The following FOCAD variants were observed in gnomAD, a reference collection of about 807,000 sequenced individuals.
The protein encoded by FOCAD is focadhesin.
In FOCAD, 198 loss-of-function variants were observed where a neutral mutation model predicts 225.6. That is an observed-to-expected ratio of 0.88 (90% CI 0.78 to 0.99). The LOEUF is 0.99. FOCAD is among the 50% of genes least tolerant of loss of function. The pLI, the probability that FOCAD is intolerant of heterozygous loss-of-function variation, is 0.00. For missense variants in FOCAD, 2,713 were observed against 2,123.6 expected (o/e 1.28, Z -5.46); for synonymous variants, 897 against 755.0 (o/e 1.19, Z -3.08).
At position 20,768,385 on chromosome 9, in the gene FOCAD, G is replaced by A. The variant is rs150997720; in HGVS notation, c.700-1647G>A. Among the ~76,000 whole-genome samples, 1,502 of 152,170 alleles carry A rather than the reference G, an allele frequency of 9.9e-3. 26 individuals carry two copies. Among genetic ancestry groups the A allele is most frequent in the African/African-American group, 0.035 (1,439 of 41,478 alleles). On this transcript the variant is annotated intron_variant, in intron 7 of 43. Coordinates refer to ENST00000338382, the MANE Select transcript of FOCAD (RefSeq NM_001375567.1). ...GAAGAAAGTCATTGGTAGCTTGCTG[G>A]GGATGGCATTGAATGTGTAAATTAC...
chr9:20,827,308 G>A (rs2131467195), intron 15 of FOCAD, among the ~76,000 whole-genome samples: 1 of 152,032 alleles, frequency 6.6e-6, no homozygotes, highest in Admixed American at 6.6e-5. Flanking sequence ...ATGATGTGTT[G>A]TCTTTTGTAA....
chr9:20,865,837 T>G, intron 16 of FOCAD, 89 bp from the exon 17 acceptor site: 1 of 872,508 alleles, frequency 1.1e-6, no homozygotes, highest in Non-Finnish European at 1.8e-6. Flanking sequence ...TAAAAGTGAC[T>G]TAATTTTCAT....
chr9:20,936,733 C>G (rs1836012437), intron 28 of FOCAD, among the ~76,000 whole-genome samples: 1 of 152,070 alleles, frequency 6.6e-6, no homozygotes, highest in Non-Finnish European at 1.5e-5. Context: ...GAAGTTCTGA[C>G]CAGGGCAATC....
At chr9:20,812,984 A>G (rs543868319) in intron 11 of FOCAD, among the ~76,000 whole-genome samples, 4 of 152,162 alleles carry the variant, frequency 2.6e-5, no homozygotes, top group African/African-American at 9.6e-5. Context: ...TTTATTTTGC[A>G]TGACTGAAAC....
At chr9:20,665,199 T>C (rs925925922) in intron 2 of FOCAD, among the ~76,000 whole-genome samples, 20 of 152,328 alleles carry the variant, frequency 1.3e-4, no homozygotes, top group Middle Eastern at 3.4e-3. Context: ...TTATTAAGAC[T>C]GAGTCCCAAG....
chr9:20,901,500 T>C (rs114472192), intron 21 of FOCAD, among the ~76,000 whole-genome samples: 3 of 152,000 alleles, frequency 2.0e-5, no homozygotes, highest in African/African-American at 7.2e-5. Flanking sequence ...AGGGCTGTTA[T>C]AATGAGTATT....
chr9:20,922,961 AC>A (rs11348465), intron 24 of FOCAD, among the ~76,000 whole-genome samples: 49,582 of 151,962 alleles, frequency 0.33, 8,276 homozygotes, highest in East Asian at 0.46. Flanking sequence ...CAGAAGTCAA[AC>A]TCTTAAGAGT....
At chr9:20,919,820 A>G (rs1834222215) in intron 24 of FOCAD, among the ~76,000 whole-genome samples, 3 of 152,142 alleles carry the variant, frequency 2.0e-5, no homozygotes, top group Admixed American at 1.3e-4. Flanking sequence ...TTCAAGATGG[A>G]TTAAAGACTT....
In FOCAD at chr9:20,918,807, T is replaced by C. The variant is rs1234812522; in HGVS notation, c.2852+1870T>C. ...TGACAATACTAGGAATGGTAGCAAGTGTATAAGAGATATTTTAGGTCTGGA... is the reference window on the plus strand; with the variant it reads ...TGACAATACTAGGAATGGTAGCAAGCGTATAAGAGATATTTTAGGTCTGGA... On this transcript the variant is annotated intron_variant, in intron 24 of 43. Transcript: ENST00000338382. Among the ~76,000 whole-genome samples, 3 of 151,852 alleles carry C rather than the reference T, an allele frequency of 2.0e-5. No homozygotes were observed. In the East Asian group the frequency reaches 5.8e-4, roughly 29 times the overall value.
intron 21 of FOCAD, among the ~76,000 whole-genome samples, chr9:20,894,820 T>C (rs4342709): frequency 0.82 from 124,574 of 151,992 alleles, 51,247 homozygotes; most frequent in Admixed American, 0.88. Flanking sequence ...TCAGAAGATT[T>C]TTATTTTAAT....
intron 2 of FOCAD, among the ~76,000 whole-genome samples, chr9:20,662,057 C>T (rs1463169512): frequency 6.6e-6 from 1 of 152,138 alleles, no homozygotes; most frequent in Non-Finnish European, 1.5e-5. Context: ...TGATATTTGC[C>T]TTAGTTGCAC....
intron 7 of FOCAD, among the ~76,000 whole-genome samples, chr9:20,765,531 G>T (rs1253534461): frequency 6.6e-6 from 1 of 152,074 alleles, no homozygotes. Flanking sequence ...GCTTCCACAT[G>T]TCCCCTTGCA....
chr9:20,892,462 G>T (rs1225236685), intron 21 of FOCAD, among the ~76,000 whole-genome samples: 3 of 152,120 alleles, frequency 2.0e-5, no homozygotes, highest in Non-Finnish European at 4.4e-5. Context: ...GTATTTATAA[G>T]AAATTGATTC....
intron 15 of FOCAD, among the ~76,000 whole-genome samples, chr9:20,835,473 A>T (rs544017913): frequency 6.6e-6 from 1 of 152,096 alleles, no homozygotes; most frequent in Admixed American, 6.6e-5. Context: ...AAATTTTACT[A>T]TCAGCCATTG....
At chr9:20,942,454 A>G (rs1039682806) in intron 28 of FOCAD, among the ~76,000 whole-genome samples, 5 of 152,212 alleles carry the variant, frequency 3.3e-5, no homozygotes, top group Admixed American at 2.6e-4. Flanking sequence ...GATGAGCCCA[A>G]TATTCCTCTT....
chr9:20,978,455 G>A lies in FOCAD; in HGVS notation c.4377+1G>A, dbSNP rs1486592691. ...ACCACCACTGATCCACAGTCTGAGTGTATGTAGTAACTAAGGGTGTTGGCC... is the reference window on the plus strand; with the variant it reads ...ACCACCACTGATCCACAGTCTGAGTATATGTAGTAACTAAGGGTGTTGGCC... On this transcript the variant is annotated splice_donor_variant, in intron 37 of 43. Coordinates refer to ENST00000338382, the MANE Select transcript of FOCAD (RefSeq NM_001375567.1). LOFTEE classifies it high-confidence loss of function. The A allele has an allele frequency of 6.3e-7, 1 of 1,592,652 alleles. No homozygotes were observed. The highest frequency in any genetic ancestry group is 1.7e-5 in the Admixed American group (1 of 58,156).
chr9:20,836,138 A>AT (rs1825977054), intron 15 of FOCAD, among the ~76,000 whole-genome samples: 1 of 152,032 alleles, frequency 6.6e-6, no homozygotes, highest in Non-Finnish European at 1.5e-5. Flanking sequence ...GGTGGGAATG[A>AT]TTTTCAATGG....
At chr9:20,692,706 G>T (rs150878756) in intron 1 of FOCAD, among the ~76,000 whole-genome samples, 1 of 152,248 alleles carries the variant, frequency 6.6e-6, no homozygotes, top group Non-Finnish European at 1.5e-5. Flanking sequence ...GTTTCTTTAC[G>T]TAGTGGTGTA....
chr9:20,995,686 G>T lies in FOCAD; in HGVS notation c.*57G>T. On this transcript the variant is annotated 3_prime_UTR_variant, in exon 44 of 44. Transcript: ENST00000338382. ...CTGGATGAGGAAAACCATATAAGTGGAAGAAGTTTTTCAGAATTCATGCCT... is the reference window on the plus strand; with the variant it reads ...CTGGATGAGGAAAACCATATAAGTGTAAGAAGTTTTTCAGAATTCATGCCT... 1 of 1,521,298 alleles carries T rather than the reference G, an allele frequency of 6.6e-7. No homozygotes were observed. 94.2% of individuals were successfully genotyped at this position (1,521,298 alleles called of 1,614,324 possible).
Sources: allele counts gnomAD v4.1 joint callset (sites outside exome capture counted in the v4.1 genomes callset), GRCh38; gene constraint gnomAD v4.1.1; transcripts MANE v1.5; gene names NCBI Gene and HGNC (gene_info 2026-07-23, HGNC 2026-07-21).